The following KLHL1 variants were observed in gnomAD, a reference collection of about 807,000 sequenced individuals.
KLHL1 encodes kelch-like protein 1.
KLHL1 carries 47 observed loss-of-function variants against 77.7 expected under a neutral mutation model. That is an observed-to-expected ratio of 0.60 (90% CI 0.48 to 0.77). The LOEUF (loss-of-function observed/expected upper bound fraction) is 0.77, where lower values mean the gene tolerates loss of function less well. Ranked by LOEUF, KLHL1 falls within the 30% of genes least tolerant of loss-of-function variation. KLHL1 has a pLI of 0.00. For synonymous variants in KLHL1, 360 were observed against 325.2 expected (o/e 1.11, Z -1.15); for missense variants, 925 against 910.8 (o/e 1.02, Z -0.20).
chr13:70,060,095 C>A (rs2137403589), intron 1 of KLHL1, among the ~76,000 whole-genome samples: 1 of 152,150 alleles, frequency 6.6e-6, no homozygotes, highest in South Asian at 2.1e-4. Flanking sequence ...ATAATCTGAT[C>A]AAATATGGGC....
intron 8 of KLHL1, among the ~76,000 whole-genome samples, chr13:69,730,573 C>A (rs1873497124): frequency 6.6e-6 from 1 of 151,048 alleles, no homozygotes; most frequent in African/African-American, 2.5e-5. Context: ...AGAGAACATC[C>A]ATTCCTTTTT....
chr13:69,967,521 A>G (rs1459851949), intron 2 of KLHL1, among the ~76,000 whole-genome samples: 1 of 152,182 alleles, frequency 6.6e-6, no homozygotes, highest in Non-Finnish European at 1.5e-5. Flanking sequence ...AAAGAAAATG[A>G]TTCTTGAGAT....
rs574372218 is a variant in KLHL1 at position 69,957,255 on chromosome 13, T to C, written c.817+4053A>G. Among the ~76,000 whole-genome samples, 5 of 151,832 alleles carry C rather than the reference T, an allele frequency of 3.3e-5. No homozygotes were observed. In the South Asian group the frequency reaches 1.0e-3, roughly 31 times the overall value. On this transcript the variant is annotated intron_variant, in intron 3 of 10. Transcript: ENST00000377844. Reference sequence around the variant, plus strand: ...ACTGAGAATGCCAACAAGTAGATAGTGATACATAGATTTTACTACTTTTAA... The same window carrying C: ...ACTGAGAATGCCAACAAGTAGATAGCGATACATAGATTTTACTACTTTTAA...
chr13:70,093,761 C>T (rs758463493), intron 1 of KLHL1, among the ~76,000 whole-genome samples: 1 of 152,012 alleles, frequency 6.6e-6, no homozygotes, highest in Non-Finnish European at 1.5e-5. Context: ...AAGACCTGTG[C>T]CACAGATGGA....
At chr13:69,841,932 C>T (rs576765330) in intron 5 of KLHL1, among the ~76,000 whole-genome samples, 3 of 151,802 alleles carry the variant, frequency 2.0e-5, no homozygotes, top group East Asian at 3.9e-4. Flanking sequence ...AGAACTTACA[C>T]TTGGGAAAGG....
At chr13:69,976,144 A>G (rs995140377) in intron 1 of KLHL1, among the ~76,000 whole-genome samples, 2 of 152,082 alleles carry the variant, frequency 1.3e-5, no homozygotes, top group African/African-American at 4.8e-5. Flanking sequence ...TAGCAATGAA[A>G]TGTTAATTTC....
intron 2 of KLHL1, among the ~76,000 whole-genome samples, chr13:69,961,743 T>G (rs956741284): frequency 9.2e-5 from 14 of 152,132 alleles, no homozygotes; most frequent in African/African-American, 3.4e-4. Context: ...ATGACCCACC[T>G]TTCACCATGC....
At chr13:69,833,253 T>A (rs1179788146) in intron 6 of KLHL1, among the ~76,000 whole-genome samples, 1 of 151,784 alleles carries the variant, frequency 6.6e-6, no homozygotes, top group African/African-American at 2.4e-5. Context: ...CTCAAACATA[T>A]CAGCAAGAAA....
At chr13:69,952,906 A>T (rs967398682) in intron 3 of KLHL1, among the ~76,000 whole-genome samples, 1 of 151,350 alleles carries the variant, frequency 6.6e-6, no homozygotes, top group African/African-American at 2.4e-5. Flanking sequence ...TCAGCAAATC[A>T]TATCATCTCT....
intron 8 of KLHL1, among the ~76,000 whole-genome samples, chr13:69,726,032 TC>T (rs1566185636): frequency 6.6e-6 from 1 of 152,166 alleles, no homozygotes; most frequent in African/African-American, 2.4e-5. Flanking sequence ...TTTGTCTTGT[TC>T]CCTGAAATTT....
chr13:69,856,430 C>A (rs1879923059), intron 5 of KLHL1, among the ~76,000 whole-genome samples: 1 of 152,010 alleles, frequency 6.6e-6, no homozygotes. Flanking sequence ...CAGTCTTTTG[C>A]TCTGATCCAG....
chr13:69,990,973 T>C (rs1198691233), intron 1 of KLHL1, among the ~76,000 whole-genome samples: 4 of 151,758 alleles, frequency 2.6e-5, no homozygotes, highest in Non-Finnish European at 5.9e-5. Context: ...CCACGGAGCA[T>C]CAAAATAGAA....
intron 1 of KLHL1, among the ~76,000 whole-genome samples, chr13:70,065,765 C>A (rs980498753): frequency 1.3e-5 from 2 of 151,994 alleles, no homozygotes; most frequent in East Asian, 1.9e-4. Flanking sequence ...AAAAACAGTG[C>A]CTTTGTTCAA....
At chr13:69,759,068 A>G (rs1367181428) in intron 7 of KLHL1, among the ~76,000 whole-genome samples, 1 of 152,122 alleles carries the variant, frequency 6.6e-6, no homozygotes, top group Non-Finnish European at 1.5e-5. Flanking sequence ...TACCAGGTGT[A>G]GAACTCAGGA....
chr13:69,777,885 G>A (rs1442054764), intron 7 of KLHL1, among the ~76,000 whole-genome samples: 3 of 152,034 alleles, frequency 2.0e-5, no homozygotes, highest in Non-Finnish European at 4.4e-5. Flanking sequence ...GAGTATTATA[G>A]TGTGCATTTT....
At chr13:69,942,521 GAATA>G (rs1396687729) in intron 3 of KLHL1, among the ~76,000 whole-genome samples, 1 of 151,948 alleles carries the variant, frequency 6.6e-6, no homozygotes, top group Non-Finnish European at 1.5e-5. Context: ...CTTTTGGACA[GAATA>G]TTTATTAAGA....
At chr13:69,858,687 C>A (rs2138147391) in intron 5 of KLHL1, among the ~76,000 whole-genome samples, 1 of 151,958 alleles carries the variant, frequency 6.6e-6, no homozygotes, top group East Asian at 1.9e-4. Context: ...GAAAATTTTT[C>A]TATTAGTGGA....
chr13:69,959,835 A>G (rs1286618889), intron 3 of KLHL1, among the ~76,000 whole-genome samples: 1 of 151,956 alleles, frequency 6.6e-6, no homozygotes, highest in Non-Finnish European at 1.5e-5. Context: ...CTTTTTCTTT[A>G]GTAAAACCAA....
At chr13:70,094,393 T>TTATACATATATATATATATATATATATA (rs1555296828) in intron 1 of KLHL1, among the ~76,000 whole-genome samples, 12 of 137,226 alleles carry the variant, frequency 8.7e-5, no homozygotes, top group African/African-American at 3.5e-4. Context: ...GCAATCATCT[T>TTATACATATATATATATATATATATATA]TATATATATA....
Sources: gnomAD v4.1 joint callset for allele counts (sites outside exome capture counted in the v4.1 genomes callset) on GRCh38, gnomAD v4.1.1 for gene constraint, MANE v1.5 for transcripts, NCBI Gene and HGNC (gene_info 2026-07-23, HGNC 2026-07-21) for gene names.